Variants in POU2F1 observed in about 807,000 individuals in gnomAD.
POU2F1 encodes POU domain, class 2, transcription factor 1.
Under a neutral mutation model 84.9 loss-of-function variants are expected in POU2F1, and 16 were observed. That is an observed-to-expected ratio of 0.19 (90% CI 0.13 to 0.29). The LOEUF is 0.29. Ranked by LOEUF, POU2F1 falls within the 10% of genes least tolerant of loss-of-function variation. The pLI is 1.00. For synonymous variants in POU2F1, 368 were observed against 368.3 expected (o/e 1.00, Z 0.01); for missense variants, 738 against 942.6 (o/e 0.78, Z 2.84).
In POU2F1 at chr1:167,396,283, T is replaced by C. The variant is rs772957834; in HGVS notation, c.988-3T>C. On this transcript the variant is annotated splice_polypyrimidine_tract_variant and splice_region_variant and intron_variant, in intron 9 of 15. Coordinates refer to ENST00000367866, the MANE Select transcript of POU2F1 (RefSeq NM_002697.4). The stretch of plus-strand genomic sequence containing the variant: ...CTCTTCTCCTGCTCTGTATTGTGTG[T>C]AGGGTGATGTTGGGCTCGCTATGGG... 4 of 1,614,046 alleles carry C rather than the reference T, an allele frequency of 2.5e-6. No homozygotes were observed. In the Admixed American group the frequency reaches 5.0e-5, roughly 20 times the overall value.
chr1:167,282,862 A>G (rs1653254173), intron 1 of POU2F1, among the ~76,000 whole-genome samples: 1 of 152,226 alleles, frequency 6.6e-6, no homozygotes, highest in African/African-American at 2.4e-5. Flanking sequence ...TTAAAACTTT[A>G]GCTTCACTCT....
In POU2F1 at chr1:167,387,652, A is replaced by C. The variant is rs1262896882; in HGVS notation, c.814-1936A>C. ...GAAGAAGAAAAATTCACAGCCACAG[A>C]CTTTATCTGTAATTCTGGTTTATAA... On this transcript the variant is annotated intron_variant, in intron 8 of 15. Transcript: ENST00000367866. Among the ~76,000 whole-genome samples the C allele has an allele frequency of 3.9e-5, 6 of 152,168 alleles. No homozygotes were observed. In the East Asian group the frequency reaches 1.2e-3, roughly 29 times the overall value.
At chr1:167,281,276 T>C (rs1653115464) in intron 1 of POU2F1, among the ~76,000 whole-genome samples, 1 of 152,188 alleles carries the variant, frequency 6.6e-6, no homozygotes, top group South Asian at 2.1e-4. Flanking sequence ...GCTCTAGGTG[T>C]GATAGAGTTA....
At chr1:167,286,890 C>A (rs1177503571) in intron 1 of POU2F1, among the ~76,000 whole-genome samples, 3 of 152,156 alleles carry the variant, frequency 2.0e-5, no homozygotes. Flanking sequence ...GTTTTCCCTG[C>A]AAGCTCAAGG....
Position 167,269,813 on chromosome 1 carries a change from C to G in POU2F1, c.61+48855C>G, listed in dbSNP as rs563224601. On this transcript the variant is annotated intron_variant, in intron 1 of 15. Coordinates refer to ENST00000367866, the MANE Select transcript of POU2F1 (RefSeq NM_002697.4). Reference sequence around the variant, plus strand: ...CTATAAATCCCAGCTATTTGGGAGGCTGAGACAGGAGAAGCACTTGAACCT... The same window carrying G: ...CTATAAATCCCAGCTATTTGGGAGGGTGAGACAGGAGAAGCACTTGAACCT... Among the ~76,000 whole-genome samples the G allele has an allele frequency of 3.3e-5, 5 of 151,258 alleles. No individual in the cohort carries two copies. In the South Asian group the frequency reaches 1.0e-3, roughly 31 times the overall value.
At chr1:167,268,891 C>T (rs1230403311) in intron 1 of POU2F1, among the ~76,000 whole-genome samples, 1 of 152,158 alleles carries the variant, frequency 6.6e-6, no homozygotes, top group Non-Finnish European at 1.5e-5. Context: ...TCTTTTAATC[C>T]TATAGCTTAA....
rs563815964 is a variant in POU2F1 at position 167,370,266 on chromosome 1, A to G, written c.282+52A>G. ...CAATCTTTTATTTATTTTTTCTTAT[A>G]TTTTTCTGTAGTGAGCATATATTTT... On this transcript the variant is annotated intron_variant, in intron 4 of 15. Transcript: ENST00000367866. 1.0e-5 allele frequency: 15 copies of G among 1,477,484 alleles called. No homozygotes were observed. The African/African-American group carries it at 1.8e-4, about 18-fold the overall frequency. 91.5% of individuals were successfully genotyped at this position (1,477,484 alleles called of 1,614,324 possible). A position where few individuals can be genotyped will look rare whatever the true frequency, so the allele number is the denominator to read the frequency against.
chr1:167,288,793 A>G (rs992819685), intron 1 of POU2F1, among the ~76,000 whole-genome samples: 2 of 152,194 alleles, frequency 1.3e-5, no homozygotes, highest in African/African-American at 4.8e-5. Flanking sequence ...CCAAGATCCT[A>G]ATTTTTTGTG....
intron 7 of POU2F1, 67 bp downstream of exon 7, chr1:167,376,222 AACT>A (rs754463386): frequency 5.6e-5 from 83 of 1,489,302 alleles, no homozygotes; most frequent in Non-Finnish European, 7.1e-5. Flanking sequence ...CACATGCATG[AACT>A]ACTATCATTT....
rs146790721 is a variant in POU2F1 at position 167,371,929 on chromosome 1, G to A, written c.295G>A (p.Glu99Lys). 2 of 1,614,050 alleles carry A rather than the reference G, an allele frequency of 1.2e-6. No homozygotes were observed. Among genetic ancestry groups the A allele is most frequent in the Non-Finnish European group, 1.7e-6 (2 of 1,179,990 alleles). ...QSLNVQSKSN[E>K]ESGDSQQPSQ... is the part of the protein sequence containing the mutation. Reference sequence around the variant, plus strand: ...CACCCCACCTCAGTCTAAATCTAATGAAGAATCGGGGGATTCGCAGCAGCC... The same window carrying A: ...CACCCCACCTCAGTCTAAATCTAATAAAGAATCGGGGGATTCGCAGCAGCC... Residue 99 changes from glutamate to lysine, a missense_variant, in exon 5 of 16, where the codon GAA becomes AAA. Physicochemically the swap from Glu to Lys is moderately conservative, Grantham distance 56 (BLOSUM62 1). Coordinates refer to ENST00000367866, the MANE Select transcript of POU2F1 (RefSeq NM_002697.4).
chr1:167,346,228 A>G (rs80314994), intron 2 of POU2F1, among the ~76,000 whole-genome samples: 4,193 of 152,240 alleles, frequency 0.028, 190 homozygotes, highest in African/African-American at 0.094. Context: ...TGAGTCTTTC[A>G]TCCAGATAGA....
chr1:167,315,313 A>G (rs918818065), intron 1 of POU2F1, among the ~76,000 whole-genome samples: 3 of 152,334 alleles, frequency 2.0e-5, no homozygotes, highest in Admixed American at 2.0e-4. Context: ...TGTGCTTTAC[A>G]TATTATATAT....
chr1:167,349,396 ATCCCTTT>A (rs542906476), intron 2 of POU2F1, among the ~76,000 whole-genome samples: 82 of 152,250 alleles, frequency 5.4e-4, no homozygotes, highest in Middle Eastern at 3.4e-3. Context: ...CAGACTCGCT[ATCCCTTT>A]TCCTCTTTAT....
At chr1:167,402,076 T>C (rs1177370645) in intron 13 of POU2F1, among the ~76,000 whole-genome samples, 1 of 152,264 alleles carries the variant, frequency 6.6e-6, no homozygotes, top group Non-Finnish European at 1.5e-5. Flanking sequence ...TTATTCTTTT[T>C]GAACTCTTGA....
chr1:167,299,976 C>G (rs932044787), intron 1 of POU2F1, among the ~76,000 whole-genome samples: 1 of 152,146 alleles, frequency 6.6e-6, no homozygotes, highest in East Asian at 1.9e-4. Flanking sequence ...TTAAGAGTAG[C>G]TACTGTGCAC....
At chr1:167,330,816 C>T (rs1386084829) in intron 1 of POU2F1, among the ~76,000 whole-genome samples, 5 of 152,038 alleles carry the variant, frequency 3.3e-5, no homozygotes, top group Non-Finnish European at 2.9e-5. Context: ...CTTATTTCTG[C>T]GGTGCCCACA....
rs1358198906 is a variant in POU2F1 at position 167,331,493 on chromosome 1, T to C, written c.62-977T>C. 5.3e-5 allele frequency among the ~76,000 whole-genome samples: 8 copies of C among 152,224 alleles called. No homozygotes were observed. In the East Asian group the frequency reaches 1.3e-3, roughly 26 times the overall value. On this transcript the variant is annotated intron_variant, in intron 1 of 15. Coordinates refer to ENST00000367866, the MANE Select transcript of POU2F1 (RefSeq NM_002697.4). ...AATGGTTCTTAACTTATTTAACCACTAAATAAGTTAATGTGGGTAAAGGCA... is the reference window on the plus strand; with the variant it reads ...AATGGTTCTTAACTTATTTAACCACCAAATAAGTTAATGTGGGTAAAGGCA...
chr1:167,295,584 G>T (rs532029794), intron 1 of POU2F1, among the ~76,000 whole-genome samples: 5 of 152,322 alleles, frequency 3.3e-5, no homozygotes, highest in African/African-American at 1.2e-4. Flanking sequence ...CTATTCAGAT[G>T]ACAGGTGCAT....
chr1:167,365,087 TTC>T (rs1381978087), intron 2 of POU2F1, among the ~76,000 whole-genome samples: 12 of 152,246 alleles, frequency 7.9e-5, no homozygotes, highest in African/African-American at 2.9e-4. Flanking sequence ...AGTGAATTTC[TTC>T]TGTCTAAGCC....
Sources: gnomAD v4.1 joint callset for allele counts (sites outside exome capture counted in the v4.1 genomes callset) on GRCh38, gnomAD v4.1.1 for gene constraint, MANE v1.5 for transcripts, NCBI Gene and HGNC (gene_info 2026-07-23, HGNC 2026-07-21) for gene names.